Variants in METRNL observed in about 807,000 individuals in gnomAD.
METRNL encodes meteorin-like protein.
In METRNL, 9 loss-of-function variants were observed where a neutral mutation model predicts 17.4. That is an observed-to-expected ratio of 0.52 (90% confidence interval 0.31 to 0.90). METRNL has a LOEUF of 0.90. Ranked by LOEUF, METRNL falls within the 40% of genes least tolerant of loss-of-function variation. The probability of loss-of-function intolerance (pLI) is 0.05; values close to 1 mark genes in which losing one functional copy is unlikely to be tolerated. For missense variants in METRNL, 408 were observed against 430.7 expected, an observed-to-expected ratio of 0.95 and a Z score of 0.47; for synonymous variants, 215 against 199.3, an observed-to-expected ratio of 1.08 and a Z score of -0.66.
At chr17:83,089,479 A>C (rs2038091026) in intron 2 of METRNL, among the ~76,000 whole-genome samples, 1 of 151,988 alleles carries the variant, frequency 6.6e-6, no homozygotes, top group Non-Finnish European at 1.5e-5. Flanking sequence ...CTCTCTACTT[A>C]ACACCTGCCG....
Position 83,094,648 on chromosome 17 carries a change from G to A in METRNL, c.*73G>A, listed in dbSNP as rs1481932425. The A allele has an allele frequency of 2.0e-5, 26 of 1,268,452 alleles. No individual in the cohort carries two copies. Among genetic ancestry groups the A allele is most frequent in the South Asian group, 7.8e-5 (4 of 51,172 alleles). 78.6% of individuals were successfully genotyped at this position (1,268,452 alleles called of 1,614,324 possible). ...TGGGCGCTGCGGTCCTGGTGGGGCC[G>A]TGCGGTGAGGGCCGCGCGCTGGGAG... On this transcript the variant is annotated 3_prime_UTR_variant, in exon 4 of 4. Coordinates refer to ENST00000320095, the MANE Select transcript of METRNL (RefSeq NM_001004431.3).
intron 1 of METRNL, among the ~76,000 whole-genome samples, chr17:83,082,989 CTGAG>C (rs2038007476): frequency 6.6e-6 from 1 of 152,252 alleles, no homozygotes; most frequent in African/African-American, 2.4e-5. Flanking sequence ...GCAGACCCGT[CTGAG>C]TGCGCTGAGA....
chr17:83,080,479 G>A (rs1489696463), intron 1 of METRNL, among the ~76,000 whole-genome samples: 1 of 149,940 alleles, frequency 6.7e-6, no homozygotes, highest in Admixed American at 6.6e-5. Context: ...CTGTGAGCCG[G>A]GCCGAGTGTG....
At chr17:83,085,482 C>G (rs550648993) in intron 2 of METRNL, among the ~76,000 whole-genome samples, 159 bp downstream of exon 2, 2 of 152,228 alleles carry the variant, frequency 1.3e-5, no homozygotes, top group South Asian at 4.1e-4. Context: ...CCTGAAGAGC[C>G]CCCCAGGTGG....
In METRNL at chr17:83,085,162, C is replaced by CGG; in HGVS notation, c.395_396insGG (p.Asp133GlufsTer67). On this transcript the variant is annotated frameshift_variant, in exon 2 of 4. Transcript: ENST00000320095. LOFTEE classifies it high-confidence loss of function. ...ACTGGAGAACTGAGACTGCTGGTAC[C>CGG]AGACGGGGACGGCAGGCCCGGCCGG... The CGG allele has an allele frequency of 1.9e-6, 3 of 1,612,956 alleles. No homozygotes were observed. The highest frequency in any genetic ancestry group is 1.7e-6 in the Non-Finnish European group (2 of 1,179,602).
intron 1 of METRNL, among the ~76,000 whole-genome samples, chr17:83,083,504 C>T (rs2038013764): frequency 1.3e-5 from 2 of 152,218 alleles, no homozygotes; most frequent in South Asian, 2.1e-4. Context: ...GCACGATCAT[C>T]GTGCCCTTGC....
At chr17:83,093,381 C>T (rs540404569) in intron 3 of METRNL, among the ~76,000 whole-genome samples, 155 bp downstream of exon 3, 4 of 152,270 alleles carry the variant, frequency 2.6e-5, no homozygotes, top group African/African-American at 9.6e-5. Context: ...GCCCTGGGCT[C>T]GGCCCTCCAC....
intron 1 of METRNL, chr17:83,081,961 C>A (rs549538743): frequency 4.7e-6 from 2 of 425,006 alleles, no homozygotes; most frequent in Non-Finnish European, 6.3e-6. Context: ...CAGGGTGGAG[C>A]GAGCGCTGGT....
rs2038104119 is a variant in METRNL, at chr17:83,090,172, CCCTG to C, written c.557-2992_557-2989del. Among the ~76,000 whole-genome samples, 2 of 102,480 alleles carry C rather than the reference CCCTG, an allele frequency of 2.0e-5. 1 individual carries two copies. The allele number at this position is 102,480 out of a possible 152,430, so 67.2% of individuals were successfully genotyped here. A position where few individuals can be genotyped will look rare whatever the true frequency, so the allele number is the denominator to read the frequency against. On this transcript the variant is annotated intron_variant, in intron 2 of 3. Transcript: ENST00000320095. Reference sequence around the variant, plus strand: ...CCGCCCCAGGGTGGGAGCCACACACCCCTGCCCCGCCCCAGGGTGGGAGCCACAC... The same window carrying C: ...CCGCCCCAGGGTGGGAGCCACACACCCCCCGCCCCAGGGTGGGAGCCACAC...
intron 2 of METRNL, among the ~76,000 whole-genome samples, chr17:83,087,372 C>T (rs988651928): frequency 1.3e-5 from 2 of 152,112 alleles, no homozygotes; most frequent in African/African-American, 2.4e-5. Flanking sequence ...TGAGGTTCAC[C>T]GGGGGCCCCC....
In METRNL at chr17:83,094,560, G is replaced by A; in HGVS notation, c.921G>A (p.Glu307=). 1 of 1,485,702 alleles carries A rather than the reference G, an allele frequency of 6.7e-7. No individual in the cohort carries two copies. The highest frequency in any genetic ancestry group is 1.4e-5 in the South Asian group (1 of 71,848). The allele number at this position is 1,485,702 out of a possible 1,614,324, so 92.0% of individuals were successfully genotyped here. ...DAQERGLNPC[E]VGTD ...AGGAGAGGGGGCTGAACCCTTGTGA[G>A]GTTGGCACGGACTGACTCCGTGGGC... is the stretch of plus-strand genomic sequence containing the variant. Residue 307 remains glutamate, a synonymous_variant, in exon 4 of 4, where the codon GAG becomes GAA. Transcript: ENST00000320095.
Position 83,083,024 on chromosome 17 carries a change from G to C in METRNL, c.171-1914G>C, listed in dbSNP as rs547644909. On this transcript the variant is annotated intron_variant, in intron 1 of 3. Coordinates refer to ENST00000320095, the MANE Select transcript of METRNL (RefSeq NM_001004431.3). ...TGAGAAGACGTCAGGTGAAGGCCGG[G>C]GTAGCCGGGTGTCTTCTTTCTTCTG... Among the ~76,000 whole-genome samples, 8 of 152,352 alleles carry C rather than the reference G, an allele frequency of 5.3e-5. No individual in the cohort carries two copies. The East Asian group carries it at 1.2e-3, about 22-fold the overall frequency.
intron 2 of METRNL, among the ~76,000 whole-genome samples, chr17:83,092,835 G>T (rs749081622): frequency 3.3e-4 from 51 of 152,272 alleles, no homozygotes; most frequent in Admixed American, 5.9e-4. Context: ...CCCCACGAAG[G>T]CCCTGGGACA....
chr17:83,083,779 GA>G (rs1483644991), intron 1 of METRNL, among the ~76,000 whole-genome samples: 4 of 152,246 alleles, frequency 2.6e-5, no homozygotes, highest in African/African-American at 9.6e-5. Context: ...CTCTGCTGCA[GA>G]AAGGGTTTCT....
intron 2 of METRNL, among the ~76,000 whole-genome samples, chr17:83,089,018 C>T (rs540204818): frequency 2.9e-4 from 44 of 152,234 alleles, no homozygotes; most frequent in Admixed American, 6.5e-4. Context: ...GGGTGTGGCC[C>T]CCGCCAGCTT....
chr17:83,082,121 A>G (rs1301228467), intron 1 of METRNL: 3 of 985,318 alleles, frequency 3.0e-6, no homozygotes, highest in Non-Finnish European at 3.6e-6. Flanking sequence ...AGGCGGGACC[A>G]GCGCCCCGTC....
At chr17:83,081,694 AAC>A (rs1355815433) in intron 1 of METRNL, among the ~76,000 whole-genome samples, 2 of 151,030 alleles carry the variant, frequency 1.3e-5, no homozygotes, top group African/African-American at 2.5e-5. Context: ...GACCCCCCCC[AAC>A]ACACACACAC....
intron 2 of METRNL, among the ~76,000 whole-genome samples, chr17:83,087,177 G>T (rs1002232727): frequency 6.6e-6 from 1 of 152,220 alleles, no homozygotes; most frequent in Non-Finnish European, 1.5e-5. Context: ...AGGCTGGCTT[G>T]GGGTCCCAGA....
chr17:83,092,397 T>C (rs1008525491), intron 2 of METRNL: 2 of 152,182 alleles, frequency 1.3e-5, no homozygotes, highest in East Asian at 1.9e-4. Context: ...GGATCCTCCT[T>C]TTGGGTGCCG....
Sources: allele counts gnomAD v4.1 joint callset (sites outside exome capture counted in the v4.1 genomes callset), GRCh38; gene constraint gnomAD v4.1.1; transcripts MANE v1.5; gene names NCBI Gene and HGNC (gene_info 2026-07-23, HGNC 2026-07-21).